The following GRIP2 variants were observed in gnomAD, a reference collection of about 807,000 sequenced individuals.
GRIP2 encodes the protein glutamate receptor-interacting protein 2.
In GRIP2, 58 loss-of-function variants were observed where a neutral mutation model predicts 108.3. The ratio of observed to expected loss-of-function variants is 0.54; its 90% CI spans 0.43 to 0.67. GRIP2 has a LOEUF of 0.67. Among genes scored for constraint, GRIP2 ranks in the 30% least tolerant of loss-of-function variants. The probability of loss-of-function intolerance (pLI) is 0.00; values close to 1 mark genes in which losing one functional copy is unlikely to be tolerated. For missense variants in GRIP2, 1,278 were observed against 1,430.6 expected, an observed-to-expected ratio of 0.89 and a Z score of 1.72; for synonymous variants, 586 against 598.2, an observed-to-expected ratio of 0.98 and a Z score of 0.30.
chr3:14,537,091 G>A (rs1694851279), intron 1 of GRIP2, among the ~76,000 whole-genome samples: 1 of 152,136 alleles, frequency 6.6e-6, no homozygotes, highest in Non-Finnish European at 1.5e-5. Flanking sequence ...TGACCCTATG[G>A]GCCCACCCCA....
chr3:14,503,809 G>A (rs952709719), intron 20 of GRIP2, 138 bp from the exon 21 acceptor site: 33 of 607,064 alleles, frequency 5.4e-5, no homozygotes, highest in Middle Eastern at 4.3e-4. Context: ...GCAGGCGGGC[G>A]TCCTCGGTGG....
At position 14,494,930 on chromosome 3, in the gene GRIP2, G is replaced by A; in HGVS notation, c.2883C>T (p.Leu961=). 1.2e-6 allele frequency: 2 copies of A among 1,613,956 alleles called. No homozygotes were observed. Among genetic ancestry groups the A allele is most frequent in the Middle Eastern group, 3.3e-4 (2 of 6,060 alleles). Residue 961 remains leucine, a synonymous_variant, in exon 23 of 24, where the codon CTC becomes CTT. Transcript: ENST00000621039. ...TGTGGACATAGACACCTTTTTCCAG[G>A]AGGCCATCTGAGACGCTGAAACCAA... is the stretch of plus-strand genomic sequence containing the variant. ...HDFGFSVSDG[L]LEKGVYVHTV... is the part of the protein sequence containing the mutation.
At chr3:14,559,608 G>A (rs1360466696), upstream of GRIP2, among the ~76,000 whole-genome samples, 1 of 152,152 alleles carries the variant, frequency 6.6e-6, no homozygotes, top group African/African-American at 2.4e-5. Flanking sequence ...TCTTGGGGGT[G>A]CAGGATCCAC....
intron 1 of GRIP2, among the ~76,000 whole-genome samples, chr3:14,530,483 C>A (rs1217111816): frequency 3.2e-4 from 48 of 152,188 alleles, no homozygotes; most frequent in Admixed American, 3.1e-3. Flanking sequence ...AATATTGAAT[C>A]TTCCAGTCAA....
the GRIP2 span, among the ~76,000 whole-genome samples, chr3:14,581,437 T>C: frequency 1.3e-5 from 2 of 152,184 alleles, no homozygotes; most frequent in Non-Finnish European, 2.9e-5. Context: ...CCTGTCCATG[T>C]GGTTCACAGG....
At chr3:14,520,967 A>T (rs1694391656) in intron 7 of GRIP2, 2 of 197,540 alleles carry the variant, frequency 1.0e-5, no homozygotes, top group Admixed American at 1.1e-4. Flanking sequence ...CCATGTCTAA[A>T]TCTCAGCAGA....
At chr3:14,508,080 CA>C (rs1437498541) in intron 17 of GRIP2, among the ~76,000 whole-genome samples, 2 of 152,196 alleles carry the variant, frequency 1.3e-5, no homozygotes, top group Non-Finnish European at 2.9e-5. Flanking sequence ...ATTTAATTAT[CA>C]AATCATAACT....
intron 1 of GRIP2, among the ~76,000 whole-genome samples, chr3:14,537,085 C>T (rs1694851034): frequency 6.6e-6 from 1 of 152,154 alleles, no homozygotes; most frequent in African/African-American, 2.4e-5. Context: ...GAGATTTGAC[C>T]CTATGGGCCC....
chr3:14,537,159 G>T (rs533836559), intron 1 of GRIP2, among the ~76,000 whole-genome samples: 1 of 151,952 alleles, frequency 6.6e-6, no homozygotes, highest in African/African-American at 2.4e-5. Context: ...CTGTCCTTTC[G>T]ACCCAAGGCC....
chr3:14,601,089 C>G, the GRIP2 span, among the ~76,000 whole-genome samples: 2 of 151,858 alleles, frequency 1.3e-5, no homozygotes, highest in South Asian at 4.2e-4. Context: ...CACACACACA[C>G]ACGAACACAC....
rs900798838 is a variant in GRIP2, at chr3:14,523,255, G to T, written c.491-180C>A. On this transcript the variant is annotated intron_variant, in intron 5 of 23. Coordinates refer to ENST00000621039, the MANE Select transcript of GRIP2 (RefSeq NM_001080423.4). Reference sequence around the variant, plus strand: ...TTCGCCCTCCCAAGAGATGGTGCAAGGGGTGGGTAACATGACCAAAGTCTT... The same window carrying T: ...TTCGCCCTCCCAAGAGATGGTGCAATGGGTGGGTAACATGACCAAAGTCTT... The T allele has an allele frequency of 5.0e-6, 3 of 601,674 alleles. No homozygotes were observed. The Admixed American group carries it at 9.5e-5, about 19-fold the overall frequency. The allele number at this position is 601,674 out of a possible 1,614,324, so 37.3% of individuals were successfully genotyped here.
the GRIP2 span, among the ~76,000 whole-genome samples, chr3:14,561,593 C>A: frequency 6.6e-6 from 1 of 152,196 alleles, no homozygotes; most frequent in Non-Finnish European, 1.5e-5. Flanking sequence ...TCCAGGCCAG[C>A]CTCCACCAAT....
intron 21 of GRIP2, among the ~76,000 whole-genome samples, chr3:14,501,605 C>G (rs1282179236): frequency 2.0e-5 from 3 of 152,134 alleles, no homozygotes; most frequent in African/African-American, 4.8e-5. Flanking sequence ...GTCTACAAAA[C>G]AGTACATACA....
intron 11 of GRIP2, among the ~76,000 whole-genome samples, 191 bp downstream of exon 11, chr3:14,516,873 T>C (rs1243495853): frequency 6.6e-6 from 1 of 152,174 alleles, no homozygotes; most frequent in African/African-American, 2.4e-5. Context: ...TCAGTGGTCC[T>C]CTTGAGCAGT....
intron 17 of GRIP2, among the ~76,000 whole-genome samples, chr3:14,508,067 CTAAT>C (rs1459992489): frequency 6.6e-6 from 1 of 152,190 alleles, no homozygotes; most frequent in East Asian, 1.9e-4. Flanking sequence ...GGTGATAATA[CTAAT>C]TTAATTATCA....
chr3:14,497,924 C>G (rs1386343224), intron 21 of GRIP2, among the ~76,000 whole-genome samples: 5 of 152,188 alleles, frequency 3.3e-5, no homozygotes, highest in African/African-American at 1.2e-4. Flanking sequence ...CAGCTTCACA[C>G]TCAGGCTGGG....
upstream of GRIP2, among the ~76,000 whole-genome samples, chr3:14,540,770 A>G (rs1694952565): frequency 6.6e-6 from 1 of 152,130 alleles, no homozygotes; most frequent in African/African-American, 2.4e-5. This position sits in a 1 kb window ranked among gnomAD's most constrained non-coding sequence, Gnocchi z 4.1. Flanking sequence ...TAGATGAAGC[A>G]CAGACTCTTT....
At chr3:14,579,117 C>T in the GRIP2 span, among the ~76,000 whole-genome samples, 1 of 152,164 alleles carries the variant, frequency 6.6e-6, no homozygotes, top group African/African-American at 2.4e-5. Context: ...ATCCACTCCC[C>T]GGAAGAACAA....
chr3:14,540,316 A>G lies in GRIP2; in HGVS notation c.-8T>C. The stretch of plus-strand genomic sequence containing the variant: ...GCTGAGCCCACACAGCATGTTCGCT[A>G]TTGTCTCCCCTGCTGCCCACCAACT... On this transcript the variant is annotated 5_prime_UTR_variant, in exon 1 of 24. Transcript: ENST00000621039. This position sits in a 1 kb window ranked among gnomAD's most constrained non-coding sequence, Gnocchi z 4.1. The G allele has an allele frequency of 6.2e-7, 1 of 1,613,392 alleles. No homozygotes were observed.
Sources: allele counts gnomAD v4.1 joint callset (sites outside exome capture counted in the v4.1 genomes callset), GRCh38; gene constraint gnomAD v4.1.1; non-coding constraint Gnocchi (gnomAD v3.1); transcripts MANE v1.5; gene names NCBI Gene and HGNC (gene_info 2026-07-23, HGNC 2026-07-21).